Variants in PADI2 observed in about 807,000 individuals in gnomAD.
PADI2 encodes the protein peptidyl arginine deiminase 2.
PADI2 carries 70 observed loss-of-function variants against 81.1 expected under a neutral mutation model. The ratio of observed to expected loss-of-function variants is 0.86; its 90% CI spans 0.71 to 1.05. PADI2 has a LOEUF of 1.05. PADI2 is among the 50% of genes least tolerant of loss of function. The pLI is 0.00. For synonymous variants in PADI2, 338 were observed against 358.0 expected (o/e 0.94, Z 0.63); for missense variants, 853 against 889.9 (o/e 0.96, Z 0.53).
rs373733707 is a variant in PADI2 at position 17,105,046 on chromosome 1, C to T, written c.108G>A (p.Gly36=). The change falls in exon 2 of 16, where the codon GGG becomes GGA. Residue 36 remains glycine, a synonymous_variant. Transcript: ENST00000375486. ...AGTGCTTCAGGCTGAAGGTTTGGGC[C>T]CCGGCTGGGGCCGCGCTGTGGGGAG... ...WTDVYSAAPA[G]AQTFSLKHSE... 132 of 1,583,112 alleles carry T rather than the reference C, an allele frequency of 8.3e-5. No individual in the cohort carries two copies. Among genetic ancestry groups the T allele is most frequent in the Non-Finnish European group, 1.0e-4 (121 of 1,159,750 alleles).
chr1:17,093,379 C>T (rs1570992538), intron 5 of PADI2, among the ~76,000 whole-genome samples, 188 bp downstream of exon 5: 5 of 152,326 alleles, frequency 3.3e-5, no homozygotes, highest in Admixed American at 3.3e-4. Flanking sequence ...CAGGTGTGAG[C>T]CACCACGCCC....
rs1434021577 is a variant in PADI2, at chr1:17,068,100, CCTGGGAAGG to C, written c.*935_*943del. On this transcript the variant is annotated 3_prime_UTR_variant, in exon 16 of 16. Transcript: ENST00000375486. ...GGAGGGGCTGGTCACTTATTATGCC[CCTGGGAAGG>C]CCTGAATCTGGCTGCTGGCGAACAA... is the stretch of plus-strand genomic sequence containing the variant. The C allele has an allele frequency of 6.6e-6, 1 of 152,650 alleles. No homozygotes were observed. Among genetic ancestry groups the C allele is most frequent in the African/African-American group, 2.4e-5 (1 of 41,420 alleles). 9.5% of individuals were successfully genotyped at this position (152,650 alleles called of 1,614,324 possible). A position where few individuals can be genotyped will look rare whatever the true frequency, so the allele number is the denominator to read the frequency against.
At chr1:17,075,012 G>A (rs2101573723) in intron 12 of PADI2, 63 bp from the exon 13 acceptor site, 1 of 1,066,920 alleles carries the variant, frequency 9.4e-7, no homozygotes, top group Non-Finnish European at 1.4e-6. Flanking sequence ...AGCACGGGGA[G>A]GCCCTGCGCT....
intron 7 of PADI2, 37 bp from the exon 8 acceptor site, chr1:17,084,739 T>C (rs2078372990): frequency 2.3e-6 from 3 of 1,319,884 alleles, no homozygotes; most frequent in Non-Finnish European, 3.2e-6. Flanking sequence ...GATCAAAAGG[T>C]TTTGTCAGGT....
chr1:17,096,207 G>C (rs547177881), intron 3 of PADI2, among the ~76,000 whole-genome samples: 2 of 152,312 alleles, frequency 1.3e-5, no homozygotes, highest in East Asian at 3.9e-4. Flanking sequence ...CTGCCATCGG[G>C]GAGGTCTGGG....
intron 2 of PADI2, among the ~76,000 whole-genome samples, chr1:17,104,633 C>A (rs1018100734): frequency 5.9e-5 from 9 of 151,804 alleles, no homozygotes; most frequent in Non-Finnish European, 1.2e-4. Flanking sequence ...CAGGGTTTCA[C>A]CGTGTTAGCC....
rs998553772 is a variant in PADI2 at position 17,079,625 on chromosome 1, C to T, written c.1159-210G>A. Among the ~76,000 whole-genome samples the T allele has an allele frequency of 5.3e-5, 8 of 151,160 alleles. No homozygotes were observed. The East Asian group carries it at 7.8e-4, about 15-fold the overall frequency. On this transcript the variant is annotated intron_variant, in intron 10 of 15. Transcript: ENST00000375486. ...AGCATCTCGGTGTAGTGTGAGAGTG[C>T]GAGTGAGAGTGAGTGTGAGAGTGAG... is the stretch of plus-strand genomic sequence containing the variant.
intron 7 of PADI2, 117 bp downstream of exon 7, chr1:17,086,404 A>T: frequency 4.9e-6 from 4 of 822,004 alleles, no homozygotes; most frequent in Non-Finnish European, 5.6e-6. Context: ...CCTAGCCTGG[A>T]CCCACCCCTT....
Position 17,071,457 on chromosome 1 carries a change from G to A in PADI2, c.1584C>T (p.Ile528=), listed in dbSNP as rs913224261. 5 of 1,614,036 alleles carry A rather than the reference G, an allele frequency of 3.1e-6. No homozygotes were observed. In the African/African-American group the frequency reaches 4.0e-5, roughly 13 times the overall value. The part of the protein sequence containing the change: ...LGGMSSKRIT[I]NKILSNESLV... ...GGCTCTCGTTGGACAGAATCTTGTT[G>A]ATGGTGATTCGCTTGCTGCTCATCC... The change falls in exon 14 of 16, where the codon ATC becomes ATT. Residue 528 remains isoleucine (I), a synonymous_variant. Coordinates refer to ENST00000375486, the MANE Select transcript of PADI2 (RefSeq NM_007365.3).
At chr1:17,099,812 A>T (rs2101600661) in intron 3 of PADI2, among the ~76,000 whole-genome samples, 1 of 152,308 alleles carries the variant, frequency 6.6e-6, no homozygotes, top group South Asian at 2.1e-4. Flanking sequence ...ACACCATGCA[A>T]GGCTGCTCTG....
chr1:17,079,164 C>A, intron 11 of PADI2, 100 bp downstream of exon 11: 1 of 984,620 alleles, frequency 1.0e-6, no homozygotes, highest in South Asian at 1.7e-5. Flanking sequence ...ATAATTCCCC[C>A]AGCCACTTGC....
chr1:17,082,878 T>G (rs1166203677), intron 9 of PADI2: 2 of 426,748 alleles, frequency 4.7e-6, no homozygotes, highest in Non-Finnish European at 8.3e-6. Context: ...CAGCCCCATT[T>G]TTTTTTTTTT....
intron 1 of PADI2, among the ~76,000 whole-genome samples, chr1:17,113,920 G>A (rs1931671164): frequency 6.6e-6 from 1 of 152,224 alleles, no homozygotes; most frequent in Admixed American, 6.5e-5. Context: ...TCAGGGCCCT[G>A]CAGTCAATGA....
At chr1:17,109,294 A>C (rs1175786194) in intron 1 of PADI2, among the ~76,000 whole-genome samples, 1 of 145,420 alleles carries the variant, frequency 6.9e-6, no homozygotes, top group Non-Finnish European at 1.5e-5. Context: ...AGGCTGAGGC[A>C]GGAGAATCAC....
intron 5 of PADI2, 68 bp downstream of exon 5, chr1:17,093,499 G>T: frequency 1.9e-6 from 2 of 1,066,428 alleles, no homozygotes; most frequent in Non-Finnish European, 2.9e-6. Context: ...CCTCAGCCCA[G>T]CCCAGGACTG....
intron 1 of PADI2, among the ~76,000 whole-genome samples, chr1:17,118,009 C>G (rs1931816422): frequency 6.6e-6 from 1 of 152,174 alleles, no homozygotes; most frequent in South Asian, 2.1e-4. Context: ...AGGCCAGGGA[C>G]AGAGGCATGG....
chr1:17,102,751 T>TGGC (rs1553183544), intron 3 of PADI2, among the ~76,000 whole-genome samples: 19 of 139,608 alleles, frequency 1.4e-4, no homozygotes, highest in East Asian at 4.2e-4. Context: ...CCTTGACACT[T>TGGC]GGGGGGGGGT....
At chr1:17,072,318 G>A (rs951517015) in intron 13 of PADI2, among the ~76,000 whole-genome samples, 1 of 152,206 alleles carries the variant, frequency 6.6e-6, no homozygotes, top group Non-Finnish European at 1.5e-5. Context: ...GCTACAAGCC[G>A]GATGTAATCT....
chr1:17,114,539 G>A lies in PADI2; in HGVS notation c.92+4741C>T, dbSNP rs545246349. ...TAAAGTTGTTGCAAGGTTTAAATAC[G>A]TAAATTATTACATGTCCGTGAGATG... is the stretch of plus-strand genomic sequence containing the variant. On this transcript the variant is annotated intron_variant, in intron 1 of 15. Coordinates refer to ENST00000375486, the MANE Select transcript of PADI2 (RefSeq NM_007365.3). Among the ~76,000 whole-genome samples, 11 of 152,242 alleles carry A rather than the reference G, an allele frequency of 7.2e-5. No homozygotes were observed. The East Asian group carries it at 1.9e-3, about 27-fold the overall frequency.
Sources: gnomAD v4.1 joint callset for allele counts (sites outside exome capture counted in the v4.1 genomes callset) on GRCh38, gnomAD v4.1.1 for gene constraint, MANE v1.5 for transcripts, NCBI Gene and HGNC (gene_info 2026-07-23, HGNC 2026-07-21) for gene names.